SLIT3: variants seen among roughly 807,000 people sequenced by gnomAD.
SLIT3 encodes slit homolog 3 protein.
Under a neutral mutation model 184.0 loss-of-function variants are expected in SLIT3, and 68 were observed. The ratio of observed to expected loss-of-function variants is 0.37; its 90% CI spans 0.30 to 0.45. The LOEUF (loss-of-function observed/expected upper bound fraction) is 0.45. Among genes scored for constraint, SLIT3 ranks in the 20% least tolerant of loss-of-function variants. SLIT3 has a pLI of 1.00. For missense variants in SLIT3, 1,707 were observed against 2,026.0 expected (o/e 0.84, Z 3.02); for synonymous variants, 831 against 828.6 (o/e 1.00, Z -0.05).
chr5:169,125,040 GTTTTTGTTTTTTGT>G (rs1183005331), intron 4 of SLIT3, among the ~76,000 whole-genome samples: 6 of 151,538 alleles, frequency 4.0e-5, no homozygotes, highest in African/African-American at 1.5e-4. Context: ...GTTTTGTTTT[GTTTTTGTTTTTTGT>G]TTTTTGTTTT....
At chr5:168,770,020 TC>T (rs749494657) in intron 14 of SLIT3, among the ~76,000 whole-genome samples, 2 of 152,186 alleles carry the variant, frequency 1.3e-5, no homozygotes, top group Non-Finnish European at 2.9e-5. Flanking sequence ...TCTGTACTTT[TC>T]AGCAAGAGAG....
chr5:168,848,010 C>A (rs551376554), intron 5 of SLIT3, among the ~76,000 whole-genome samples: 6 of 152,334 alleles, frequency 3.9e-5, no homozygotes, highest in African/African-American at 7.2e-5. Flanking sequence ...GAGAACCCAG[C>A]AGTTGGAGGA....
At chr5:169,269,757 C>T (rs373437123) in intron 1 of SLIT3, among the ~76,000 whole-genome samples, 2 of 152,360 alleles carry the variant, frequency 1.3e-5, no homozygotes, top group East Asian at 3.9e-4. Context: ...ACTGCCTCTC[C>T]AACCAAAACT....
chr5:168,796,867 T>TA (rs766138441), intron 9 of SLIT3, among the ~76,000 whole-genome samples: 34 of 152,076 alleles, frequency 2.2e-4, no homozygotes, highest in Admixed American at 3.9e-4. Flanking sequence ...TGGAATGGTT[T>TA]GTCAGGCCAA....
At chr5:169,175,435 C>T (rs1762951087) in intron 4 of SLIT3, among the ~76,000 whole-genome samples, 1 of 152,080 alleles carries the variant, frequency 6.6e-6, no homozygotes, top group African/African-American at 2.4e-5. Context: ...TAAATTTTAG[C>T]TTGAGCAAAT....
chr5:169,196,485 G>A (rs1763747835), intron 3 of SLIT3, among the ~76,000 whole-genome samples: 1 of 152,184 alleles, frequency 6.6e-6, no homozygotes, highest in South Asian at 2.1e-4. Context: ...GATGATAATG[G>A]TATGGATTGA....
chr5:169,026,773 G>A (rs1756841862), intron 4 of SLIT3: 1 of 151,068 alleles, frequency 6.6e-6, no homozygotes. Context: ...TATGCAGTGA[G>A]CTTCTATGAA....
chr5:168,699,071 G>A (rs981835845), intron 27 of SLIT3, among the ~76,000 whole-genome samples: 6 of 150,920 alleles, frequency 4.0e-5, no homozygotes, highest in Non-Finnish European at 8.8e-5. Flanking sequence ...CTGGGGCCCC[G>A]TGGCCACCTC....
intron 16 of SLIT3, 111 bp downstream of exon 16, chr5:168,760,751 G>T: frequency 1.3e-6 from 1 of 765,254 alleles, no homozygotes; most frequent in East Asian, 2.5e-5. Context: ...AAGGCTGGGA[G>T]GGAGTGGAGC....
At chr5:168,745,915 C>T (rs1163011652) in intron 20 of SLIT3, among the ~76,000 whole-genome samples, 1 of 152,160 alleles carries the variant, frequency 6.6e-6, no homozygotes, top group Non-Finnish European at 1.5e-5. Flanking sequence ...GACAAGACCC[C>T]CGACTAGGAA....
At chr5:168,971,455 T>C (rs912543003) in intron 4 of SLIT3, among the ~76,000 whole-genome samples, 1 of 152,222 alleles carries the variant, frequency 6.6e-6, no homozygotes, top group African/African-American at 2.4e-5. Flanking sequence ...TTCTACATGG[T>C]TGTACCTAGT....
intron 4 of SLIT3, among the ~76,000 whole-genome samples, chr5:169,160,891 C>T (rs1762455059): frequency 6.6e-6 from 1 of 152,170 alleles, no homozygotes; most frequent in Admixed American, 6.5e-5. Context: ...TCTAACATGG[C>T]AATGGGAGAC....
chr5:169,296,056 A>G (rs1468822218), intron 1 of SLIT3, among the ~76,000 whole-genome samples: 2 of 152,224 alleles, frequency 1.3e-5, no homozygotes, highest in African/African-American at 4.8e-5. Context: ...TAACTCTAGT[A>G]AGGCAATAAA....
intron 20 of SLIT3, among the ~76,000 whole-genome samples, chr5:168,730,394 A>G (rs1444759331): frequency 6.6e-6 from 1 of 152,140 alleles, no homozygotes; most frequent in African/African-American, 2.4e-5. Context: ...AGACATTTAC[A>G]GAAATTCTAC....
At chr5:169,057,196 T>G (rs940600719) in intron 4 of SLIT3, among the ~76,000 whole-genome samples, 3 of 152,144 alleles carry the variant, frequency 2.0e-5, no homozygotes, top group Admixed American at 2.0e-4. Flanking sequence ...GGGTCTAACA[T>G]AGTGATAAGT....
intron 4 of SLIT3, among the ~76,000 whole-genome samples, chr5:168,983,500 T>C (rs1323911109): frequency 6.6e-6 from 1 of 152,210 alleles, no homozygotes; most frequent in African/African-American, 2.4e-5. Flanking sequence ...GCTAAGATTC[T>C]TTTGGGGTGG....
intron 4 of SLIT3, among the ~76,000 whole-genome samples, chr5:169,107,791 G>A (rs1178629488): frequency 6.6e-6 from 1 of 152,198 alleles, no homozygotes; most frequent in Non-Finnish European, 1.5e-5. Context: ...TAAAGGCCTT[G>A]GCCTGTGCTG....
intron 1 of SLIT3, among the ~76,000 whole-genome samples, chr5:169,280,340 A>T (rs567045570): frequency 6.6e-5 from 10 of 150,582 alleles, no homozygotes; most frequent in East Asian, 2.0e-4. Context: ...GAGGGTTCCA[A>T]TTTTTTTTTT....
At chr5:169,161,904 T>C (rs975996341) in intron 4 of SLIT3, among the ~76,000 whole-genome samples, 2 of 152,160 alleles carry the variant, frequency 1.3e-5, no homozygotes, top group Non-Finnish European at 2.9e-5. Flanking sequence ...TCCTTCTCTG[T>C]ACAAGGAAGA....
Sources: allele counts gnomAD v4.1 joint callset (sites outside exome capture counted in the v4.1 genomes callset), GRCh38; gene constraint gnomAD v4.1.1; transcripts MANE v1.5; gene names NCBI Gene and HGNC (gene_info 2026-07-23, HGNC 2026-07-21).